The following CACNB2 variants were observed in gnomAD, a reference collection of about 807,000 sequenced individuals.
The protein encoded by CACNB2 is calcium voltage-gated channel auxiliary subunit beta 2, also known as voltage-dependent L-type calcium channel subunit beta-2.
Under a neutral mutation model 73.3 loss-of-function variants are expected in CACNB2, and 42 were observed. That is an observed-to-expected ratio of 0.57 (90% CI 0.45 to 0.74). CACNB2 has a LOEUF of 0.74. CACNB2 is among the 30% of genes least tolerant of loss of function. The pLI is 0.00. For missense variants in CACNB2, 940 were observed against 853.0 expected, an observed-to-expected ratio of 1.10 and a Z score of -1.27; for synonymous variants, 348 against 310.3, an observed-to-expected ratio of 1.12 and a Z score of -1.28.
At chr10:18,191,843 T>C (rs1348485123) in intron 2 of CACNB2, among the ~76,000 whole-genome samples, 1 of 152,228 alleles carries the variant, frequency 6.6e-6, no homozygotes, top group Non-Finnish European at 1.5e-5. Flanking sequence ...CATTGATTCA[T>C]GGACATTTGT....
At chr10:18,279,009 C>A (rs2038421983) in intron 2 of CACNB2, among the ~76,000 whole-genome samples, 1 of 152,044 alleles carries the variant, frequency 6.6e-6, no homozygotes, top group African/African-American at 2.4e-5. Flanking sequence ...AGAGAGAGAT[C>A]CTGTCTTACA....
intron 3 of CACNB2, among the ~76,000 whole-genome samples, chr10:18,423,492 G>T (rs1011593278): frequency 6.6e-6 from 1 of 152,076 alleles, no homozygotes; most frequent in Non-Finnish European, 1.5e-5. Context: ...CATAAGCAAC[G>T]GTCCCTTCAA....
intron 3 of CACNB2, among the ~76,000 whole-genome samples, chr10:18,480,132 A>G (rs1490752369): frequency 1.3e-5 from 2 of 152,234 alleles, no homozygotes; most frequent in East Asian, 1.9e-4. Flanking sequence ...TAATTTTCAA[A>G]TGAGAGAAAC....
chr10:18,308,439 T>A (rs1285752196), intron 2 of CACNB2, among the ~76,000 whole-genome samples: 1 of 152,178 alleles, frequency 6.6e-6, no homozygotes, highest in African/African-American at 2.4e-5. Context: ...TCTAGGCGAT[T>A]TTTCAATCCT....
At chr10:18,497,036 C>T (rs1204148504) in intron 3 of CACNB2, among the ~76,000 whole-genome samples, 1 of 150,612 alleles carries the variant, frequency 6.6e-6, no homozygotes, top group African/African-American at 2.4e-5. Context: ...CACAGTGAAA[C>T]CCTGTCTCTT....
rs879901536 is a variant in CACNB2 at position 18,330,674 on chromosome 10, CT to C, written c.214-71238del. On this transcript the variant is annotated intron_variant, in intron 2 of 13. Transcript: ENST00000324631. ...CTAAAGGTTAAAATTAAAACTAAAACTTTTTTTTTTTTGAGATGGAGTCTTG... is the reference window on the plus strand; with the variant it reads ...CTAAAGGTTAAAATTAAAACTAAAACTTTTTTTTTTTGAGATGGAGTCTTG... Among the ~76,000 whole-genome samples, 117 of 146,624 alleles carry C rather than the reference CT, an allele frequency of 8.0e-4. No homozygotes were observed. The Middle Eastern group carries it at 0.011, about 13-fold the overall frequency.
intron 2 of CACNB2, among the ~76,000 whole-genome samples, chr10:18,358,575 A>G (rs12356676): frequency 0.7 from 98,434 of 141,010 alleles, 34,136 homozygotes; most frequent in Admixed American, 0.74. Flanking sequence ...TCTCTCTGGA[A>G]CTGCTTTGTG....
intron 2 of CACNB2, among the ~76,000 whole-genome samples, chr10:18,215,168 C>T (rs140802338): frequency 1.3e-5 from 2 of 151,680 alleles, no homozygotes; most frequent in Non-Finnish European, 2.9e-5. Context: ...AGCGTTCCCT[C>T]CCAAGATAGC....
At chr10:18,181,231 A>T (rs1331124494) in intron 2 of CACNB2, among the ~76,000 whole-genome samples, 1 of 152,064 alleles carries the variant, frequency 6.6e-6, no homozygotes, top group Non-Finnish European at 1.5e-5. Flanking sequence ...CTAGATCCCT[A>T]CTTTCTCCCA....
chr10:18,237,646 C>T (rs906363747), intron 2 of CACNB2, among the ~76,000 whole-genome samples: 5 of 152,202 alleles, frequency 3.3e-5, no homozygotes, highest in African/African-American at 1.2e-4. Context: ...GAAACAAATG[C>T]AGATGGTATC....
intron 3 of CACNB2, among the ~76,000 whole-genome samples, chr10:18,425,651 G>C (rs1409459159): frequency 6.6e-6 from 1 of 152,094 alleles, no homozygotes; most frequent in Non-Finnish European, 1.5e-5. Context: ...CTAGACAACA[G>C]AGCAAGACCA....
chr10:18,485,181 C>A (rs572892910), intron 3 of CACNB2, among the ~76,000 whole-genome samples: 1 of 152,070 alleles, frequency 6.6e-6, no homozygotes, highest in Non-Finnish European at 1.5e-5. Context: ...ATTGTAGGAA[C>A]TTTTGCCCAT....
intron 2 of CACNB2, among the ~76,000 whole-genome samples, chr10:18,271,672 C>G (rs1030808290): frequency 1.3e-5 from 2 of 152,106 alleles, no homozygotes; most frequent in Non-Finnish European, 1.5e-5. Flanking sequence ...TCTGAAGCAG[C>G]CTTTTGTGTT....
At chr10:18,448,480 A>T (rs12761615) in intron 3 of CACNB2, among the ~76,000 whole-genome samples, 39 of 1,620 alleles carry the variant, frequency 0.024, no homozygotes, top group Non-Finnish European at 0.038. Flanking sequence ...TCTCTCATTT[A>T]AAAAAAAAAA....
At chr10:18,378,504 T>A (rs144235123) in intron 2 of CACNB2, among the ~76,000 whole-genome samples, 2 of 152,156 alleles carry the variant, frequency 1.3e-5, no homozygotes, top group African/African-American at 4.8e-5. Context: ...ATCTTAGAAC[T>A]TTGGGAGGCT....
chr10:18,251,587 A>G (rs1293601664), intron 2 of CACNB2, among the ~76,000 whole-genome samples: 2 of 152,160 alleles, frequency 1.3e-5, no homozygotes, highest in South Asian at 4.1e-4. Context: ...AACCCACTGT[A>G]TTAGTCCGTT....
intron 2 of CACNB2, among the ~76,000 whole-genome samples, chr10:18,263,632 A>T (rs1300850609): frequency 2.0e-5 from 3 of 152,206 alleles, no homozygotes; most frequent in South Asian, 2.1e-4. Flanking sequence ...AATTCCTCCT[A>T]CTCAAACATT....
chr10:18,268,926 G>GT (rs944229669), intron 2 of CACNB2, among the ~76,000 whole-genome samples: 1 of 152,132 alleles, frequency 6.6e-6, no homozygotes, highest in Non-Finnish European at 1.5e-5. Flanking sequence ...GAAGGGCAAG[G>GT]TCTGGCCTTC....
intron 2 of CACNB2, among the ~76,000 whole-genome samples, chr10:18,349,032 A>T (rs2041594167): frequency 6.6e-6 from 1 of 152,138 alleles, no homozygotes; most frequent in Non-Finnish European, 1.5e-5. Flanking sequence ...GAGGTGAGAG[A>T]TCACTTGACT....
Sources: gnomAD v4.1 joint callset for allele counts (sites outside exome capture counted in the v4.1 genomes callset) on GRCh38, gnomAD v4.1.1 for gene constraint, MANE v1.5 for transcripts, NCBI Gene and HGNC (gene_info 2026-07-23, HGNC 2026-07-21) for gene names.